Variants in MYH4 observed in about 807,000 individuals in gnomAD.
MYH4 encodes the protein myosin heavy chain 4.
Under a neutral mutation model 229.9 loss-of-function variants are expected in MYH4, and 200 were observed. The ratio of observed to expected loss-of-function variants is 0.87; its 90% CI spans 0.78 to 0.98. The LOEUF is 0.98. Among genes scored for constraint, MYH4 ranks in the 50% least tolerant of loss-of-function variants. MYH4 has a pLI of 0.00. For synonymous variants in MYH4, 761 were observed against 834.6 expected (o/e 0.91, Z 1.52); for missense variants, 2,148 against 2,332.6 (o/e 0.92, Z 1.63).
At chr17:10,463,061 G>A in intron 10 of MYH4, 29 bp downstream of exon 10, 1 of 1,595,372 alleles carries the variant, frequency 6.3e-7, no homozygotes, top group Non-Finnish European at 8.6e-7. Flanking sequence ...GTTATTCTTT[G>A]GTAGAAATAA....
In MYH4 at chr17:10,444,587, A is replaced by T; in HGVS notation, c.5667+17T>A. The T allele has an allele frequency of 6.2e-7, 1 of 1,605,106 alleles. No homozygotes were observed. Among genetic ancestry groups the T allele is most frequent in the Non-Finnish European group, 8.5e-7 (1 of 1,173,076 alleles). ...ATGTGCATCTGAACCTTTCATTTCC[A>T]CTGTGGAGATACTCACAGCCTCTTC... On this transcript the variant is annotated intron_variant, in intron 39 of 39. Transcript: ENST00000255381.
intron 2 of MYH4, among the ~76,000 whole-genome samples, chr17:10,468,484 T>C (rs1436322654): frequency 6.6e-6 from 1 of 152,236 alleles, no homozygotes; most frequent in Non-Finnish European, 1.5e-5. Context: ...GCTGCTATGT[T>C]AAATATAAAC....
At position 10,464,725 on chromosome 17, in the gene MYH4, A is replaced by G. The variant is rs559341938; in HGVS notation, c.506-17T>C. On this transcript the variant is annotated splice_polypyrimidine_tract_variant and intron_variant, in intron 5 of 39. Coordinates refer to ENST00000255381, the MANE Select transcript of MYH4 (RefSeq NM_017533.2). ...TTTCACGATCTGTAAAAGAGAAGCC[A>G]AAGATAATATTTAGAAAAACACACT... 59 of 1,611,384 alleles carry G rather than the reference A, an allele frequency of 3.7e-5. No individual in the cohort carries two copies. Among genetic ancestry groups the G allele is most frequent in the Non-Finnish European group, 4.3e-5 (51 of 1,178,108 alleles).
At position 10,454,967 on chromosome 17, in the gene MYH4, C is replaced by T. The variant is rs201063031; in HGVS notation, c.2409G>A (p.Val803=). The change falls in exon 21 of 40, where the codon GTG becomes GTA. Residue 803 remains valine, a synonymous_variant. Transcript: ENST00000255381. Reference sequence around the variant, plus strand: ...TCCTCTCCATCATCTTTCTGAACTCCACTCTCATCAGGAACCCTCTGCATA... The same window carrying T: ...TCCTCTCCATCATCTTTCTGAACTCTACTCTCATCAGGAACCCTCTGCATA... ...QAICRGFLMR[V]EFRKMMERRE... is the part of the protein sequence containing the mutation. 4 of 1,614,076 alleles carry T rather than the reference C, an allele frequency of 2.5e-6. No homozygotes were observed. The highest frequency in any genetic ancestry group is 3.4e-6 in the Non-Finnish European group (4 of 1,180,040).
At position 10,466,290 on chromosome 17, in the gene MYH4, C is replaced by G. The variant is rs201896271; in HGVS notation, c.331G>C (p.Ala111Pro). The change falls in exon 4 of 40, where the codon GCA becomes CCA. Residue 111 changes from alanine (A) to proline (P), a missense_variant. By Grantham distance (27) the Ala-to-Pro change is conservative (BLOSUM62 -1). Coordinates refer to ENST00000255381, the MANE Select transcript of MYH4 (RefSeq NM_017533.2). ...AVLYNLKERY[A>P]AWMIYTYSGL... ...GTGCTCACGTAGATCATCCAGGCTG[C>G]GTAACGCTCTTTGAGGTTATACAGC... The G allele has an allele frequency of 2.4e-5, 38 of 1,613,920 alleles. No individual in the cohort carries two copies. In the South Asian group the frequency reaches 3.8e-4, roughly 16 times the overall value.
Position 10,454,931 on chromosome 17 carries a change from G to A in MYH4, c.2435+10C>T. 6.2e-7 allele frequency: 1 copy of A among 1,613,850 alleles called. No individual in the cohort carries two copies. Among genetic ancestry groups the A allele is most frequent in the Non-Finnish European group, 8.5e-7 (1 of 1,179,766 alleles). ...GTGTGGAGCAGGAAGACTTGTGTGT[G>A]GGCTCTCACCTCCTCTCCATCATCT... is the stretch of plus-strand genomic sequence containing the variant. On this transcript the variant is annotated intron_variant, in intron 21 of 39. Coordinates refer to ENST00000255381, the MANE Select transcript of MYH4 (RefSeq NM_017533.2).
Position 10,447,140 on chromosome 17 carries a change from C to G in MYH4, c.5042G>C (p.Arg1681Thr). The change falls in exon 35 of 40, where the codon AGA (arginine) becomes ACA (threonine). Residue 1681 changes from arginine to threonine, a missense_variant. Transcript: ENST00000255381. ...LKEQLAMVERRANLMQAEVEE... is the reference protein window; with the variant it reads ...LKEQLAMVERTANLMQAEVEE... ...AACTTCAGCCTGCATCAGGTTAGCT[C>G]TGCGCTCAACCATTGCCAGTTGTTC... The G allele has an allele frequency of 6.2e-7, 1 of 1,614,140 alleles. No homozygotes were observed. The highest frequency in any genetic ancestry group is 2.2e-5 in the East Asian group (1 of 44,884).
chr17:10,465,781 T>C (rs931901745), intron 4 of MYH4, among the ~76,000 whole-genome samples, 183 bp from the exon 5 acceptor site: 1 of 142,422 alleles, frequency 7.0e-6, no homozygotes, highest in African/African-American at 2.6e-5. Flanking sequence ...TTTTTTTTTT[T>C]TTTTTTTTTT....
intron 11 of MYH4, among the ~76,000 whole-genome samples, chr17:10,461,514 C>T (rs1478397890): frequency 6.6e-6 from 1 of 152,000 alleles, no homozygotes; most frequent in East Asian, 1.9e-4. Context: ...GTCTACCTTC[C>T]CCTGCTAATG....
rs367550571 is a variant in MYH4 at position 10,451,926 on chromosome 17, C to T, written c.3738+15G>A. 6 of 1,577,692 alleles carry T rather than the reference C, an allele frequency of 3.8e-6. No individual in the cohort carries two copies. The highest frequency in any genetic ancestry group is 5.2e-6 in the Non-Finnish European group (6 of 1,162,890). On this transcript the variant is annotated intron_variant, in intron 27 of 39. Coordinates refer to ENST00000255381, the MANE Select transcript of MYH4 (RefSeq NM_017533.2). ...GTTGCAAATAAAGATGAAAAGGGCA[C>T]AAGTTAATGAAGACCTTGGCTTTGG...
chr17:10,447,159 G>C lies in MYH4; in HGVS notation c.5023C>G (p.Leu1675Val). ...TTAGCTCTGCGCTCAACCATTGCCA[G>C]TTGTTCCTTAAGGTCATCTTGGCCT... Reference protein sequence around the residue: ...IRGQDDLKEQLAMVERRANLM... With the variant: ...IRGQDDLKEQVAMVERRANLM... The change falls in exon 35 of 40, where the codon CTG becomes GTG. Residue 1675 changes from leucine to valine, a missense_variant. Coordinates refer to ENST00000255381, the MANE Select transcript of MYH4 (RefSeq NM_017533.2). 6.2e-7 allele frequency: 1 copy of C among 1,614,126 alleles called. No homozygotes were observed. Among genetic ancestry groups the C allele is most frequent in the Non-Finnish European group, 8.5e-7 (1 of 1,180,018 alleles).
chr17:10,452,704 A>C, intron 25 of MYH4, 83 bp downstream of exon 25: 1 of 1,457,242 alleles, frequency 6.9e-7, no homozygotes, highest in Non-Finnish European at 9.3e-7. Flanking sequence ...TCATGATGTA[A>C]CATTTTGGAG....
At chr17:10,455,112 CT>C (rs1290372851) in intron 20 of MYH4, 35 bp from the exon 21 acceptor site, 1 of 1,613,888 alleles carries the variant, frequency 6.2e-7, no homozygotes, top group Non-Finnish European at 8.5e-7. Context: ...GTTATTTCCA[CT>C]TACAGGAAAG....
At chr17:10,461,222 C>T (rs1309513064) in intron 11 of MYH4, among the ~76,000 whole-genome samples, 168 bp from the exon 12 acceptor site, 1 of 152,114 alleles carries the variant, frequency 6.6e-6, no homozygotes, top group Admixed American at 6.5e-5. Context: ...ATCCACATGG[C>T]AACACGAAGA....
Position 10,468,353 on chromosome 17 carries a change from T to C in MYH4, c.-40+935A>G, listed in dbSNP as rs549284734. On this transcript the variant is annotated intron_variant, in intron 2 of 39. Transcript: ENST00000255381. ...TCCCAACTTGGGGATCAAGCCCCAA[T>C]AGAGCCTCAGGTTGTTGCAGGGGGT... Among the ~76,000 whole-genome samples the C allele has an allele frequency of 5.9e-5, 9 of 152,270 alleles. No homozygotes were observed. The South Asian group carries it at 1.7e-3, about 28-fold the overall frequency.
In MYH4 at chr17:10,456,524, CT is replaced by C. The variant is rs2072640367; in HGVS notation, c.1928del (p.Lys643ArgfsTer17). The stretch of plus-strand genomic sequence containing the variant: ...ACACTGTCTGGAAAGAAGAACCCTT[CT>C]TTTTGCCACCTTTCTTTCCACCACC... ...EGGGGKKGGK[K>X]KGSSFQTVSA... On this transcript the variant is annotated frameshift_variant, in exon 17 of 40. Coordinates refer to ENST00000255381, the MANE Select transcript of MYH4 (RefSeq NM_017533.2). LOFTEE classifies it high-confidence loss of function. The C allele has an allele frequency of 1.2e-6, 2 of 1,613,852 alleles. No homozygotes were observed. The highest frequency in any genetic ancestry group is 2.7e-5 in the African/African-American group (2 of 74,908).
intron 23 of MYH4, 35 bp downstream of exon 23, chr17:10,453,608 C>G: frequency 6.2e-7 from 1 of 1,613,744 alleles, no homozygotes; most frequent in Non-Finnish European, 8.5e-7. Flanking sequence ...TATCAAGGTG[C>G]TTATAAATAT....
chr17:10,456,231 C>G (rs2072636841), intron 17 of MYH4, among the ~76,000 whole-genome samples: 2 of 152,088 alleles, frequency 1.3e-5, no homozygotes, highest in Non-Finnish European at 2.9e-5. Context: ...TACCAGATCT[C>G]TTGGATGTAG....
chr17:10,454,757 T>C lies in MYH4; in HGVS notation c.2489A>G (p.His830Arg), dbSNP rs2072618959. Residue 830 changes from histidine (H) to arginine (R), a missense_variant, in exon 22 of 40, where the codon CAC (histidine) becomes CGC (arginine). His to Arg is a conservative substitution (Grantham distance 29). Coordinates refer to ENST00000255381, the MANE Select transcript of MYH4 (RefSeq NM_017533.2). ...GAAATACAGCTTCATCCAGGGCCAG[T>C]GCTTCACATTCATGAAAGCACGGAT... ...YNIRAFMNVK[H>R]WPWMKLYFKI... 6.2e-7 allele frequency: 1 copy of C among 1,614,188 alleles called. No homozygotes were observed.
Sources: allele counts gnomAD v4.1 joint callset (sites outside exome capture counted in the v4.1 genomes callset), GRCh38; gene constraint gnomAD v4.1.1; transcripts MANE v1.5; gene names NCBI Gene and HGNC (gene_info 2026-07-23, HGNC 2026-07-21).